Variants in MBD5 observed in about 807,000 individuals in gnomAD.
MBD5 encodes methyl-CpG-binding domain protein 5.
Under a neutral mutation model 117.3 loss-of-function variants are expected in MBD5, and 13 were observed. The ratio of observed to expected loss-of-function variants is 0.11; its 90% CI spans 0.07 to 0.18. The LOEUF (loss-of-function observed/expected upper bound fraction) is 0.18, where lower values mean the gene tolerates loss of function less well. Among genes scored for constraint, MBD5 ranks in the 10% least tolerant of loss-of-function variants. The probability of loss-of-function intolerance (pLI) is 1.00; values close to 1 mark genes in which losing one functional copy is unlikely to be tolerated. For synonymous variants in MBD5, 727 were observed against 766.4 expected (o/e 0.95, Z 0.85); for missense variants, 1,879 against 2,093.8 (o/e 0.90, Z 2.00).
chr2:148,262,220 C>A (rs1046001050), intron 3 of MBD5, among the ~76,000 whole-genome samples: 11 of 151,978 alleles, frequency 7.2e-5, no homozygotes, highest in African/African-American at 2.7e-4. Flanking sequence ...TTGTAAAAAA[C>A]ACAATATCTG....
At chr2:148,145,859 A>G (rs1305805299) in intron 1 of MBD5, among the ~76,000 whole-genome samples, 2 of 152,116 alleles carry the variant, frequency 1.3e-5, no homozygotes, top group African/African-American at 4.8e-5. Flanking sequence ...CCAGTATTTT[A>G]TTGAGGATTT....
chr2:148,089,760 G>A (rs1227480), intron 1 of MBD5, among the ~76,000 whole-genome samples: 146,605 of 152,188 alleles, frequency 0.96, 70,846 homozygotes, highest in East Asian at 1. Flanking sequence ...ACAAATAGAC[G>A]ATCTAAGGTC....
In MBD5 at chr2:148,489,726, A is replaced by G; in HGVS notation, c.4094A>G (p.Asp1365Gly). The G allele has an allele frequency of 6.2e-7, 1 of 1,614,140 alleles. No homozygotes were observed. The highest frequency in any genetic ancestry group is 8.5e-7 in the Non-Finnish European group (1 of 1,180,028). Residue 1365 changes from aspartate to glycine, a missense_variant, in exon 11 of 14, where the codon GAC becomes GGC. Physicochemically the swap from Asp to Gly is moderately conservative, Grantham distance 94. This residue lies in a region of MBD5 where 1,666 missense variants were observed against 1,792.2 expected (regional missense o/e 0.93). Transcript: ENST00000642680. ...AMSAFTASIG[D>G]PLNLSSAVSA... ...AGTGCCTTCACTGCCTCAATTGGTG[A>G]CCCATTAAATCTCTCCAGTGCTGTC...
chr2:148,262,630 TCCAAGGTCATATA>T (rs1239865773), intron 3 of MBD5, among the ~76,000 whole-genome samples: 2 of 152,186 alleles, frequency 1.3e-5, no homozygotes, highest in Admixed American at 6.5e-5. Flanking sequence ...AAGTAATTTG[TCCAAGGTCATATA>T]CCAAGGTCGT....
chr2:148,294,673 T>A (rs1348214145), intron 3 of MBD5, among the ~76,000 whole-genome samples: 1 of 151,624 alleles, frequency 6.6e-6, no homozygotes, highest in Non-Finnish European at 1.5e-5. Context: ...CAGATGATTT[T>A]TTTTGTATTT....
intron 2 of MBD5, among the ~76,000 whole-genome samples, chr2:148,226,941 C>T (rs1456802940): frequency 6.6e-6 from 1 of 152,132 alleles, no homozygotes; most frequent in Non-Finnish European, 1.5e-5. Context: ...ATACCCTTGA[C>T]CCACTTTTTG....
intron 3 of MBD5, among the ~76,000 whole-genome samples, chr2:148,256,590 A>T (rs1166373556): frequency 6.6e-6 from 1 of 152,234 alleles, no homozygotes; most frequent in Non-Finnish European, 1.5e-5. Context: ...GGTGATCACC[A>T]TCCACACTGC....
chr2:148,152,085 T>C (rs976062682), intron 1 of MBD5, among the ~76,000 whole-genome samples: 5 of 152,066 alleles, frequency 3.3e-5, no homozygotes, highest in African/African-American at 1.2e-4. Context: ...TTTAGTGCTA[T>C]AAATTTCCCT....
chr2:148,380,962 C>T (rs1335915062), intron 4 of MBD5, among the ~76,000 whole-genome samples: 1 of 152,100 alleles, frequency 6.6e-6, no homozygotes, highest in African/African-American at 2.4e-5. Flanking sequence ...CACCAAAAAC[C>T]CATCTGTACG....
At chr2:148,398,444 T>C (rs1315505055) in intron 4 of MBD5, among the ~76,000 whole-genome samples, 1 of 152,190 alleles carries the variant, frequency 6.6e-6, no homozygotes, top group Non-Finnish European at 1.5e-5. Flanking sequence ...GCTGCATAAA[T>C]GTCTTCTTTT....
At chr2:148,128,184 G>A (rs541502470) in intron 1 of MBD5, among the ~76,000 whole-genome samples, 4 of 152,020 alleles carry the variant, frequency 2.6e-5, no homozygotes, top group Non-Finnish European at 5.9e-5. Context: ...TACGTTGTCT[G>A]TTCACTCTGA....
chr2:148,272,210 T>A (rs1198173805), intron 3 of MBD5, among the ~76,000 whole-genome samples: 2 of 152,238 alleles, frequency 1.3e-5, no homozygotes, highest in Non-Finnish European at 2.9e-5. Context: ...TGAGGTTGAT[T>A]CCATATCTTG....
At chr2:148,217,604 T>G (rs1699587355) in intron 2 of MBD5, among the ~76,000 whole-genome samples, 1 of 152,208 alleles carries the variant, frequency 6.6e-6, no homozygotes, top group Non-Finnish European at 1.5e-5. Context: ...CCTTTTGTTG[T>G]TGCCATTTCA....
At chr2:148,208,403 G>A (rs982170478) in intron 2 of MBD5, among the ~76,000 whole-genome samples, 3 of 151,982 alleles carry the variant, frequency 2.0e-5, no homozygotes, top group Non-Finnish European at 2.9e-5. Flanking sequence ...ACAAGCATGC[G>A]CTCCAATGCC....
At chr2:148,205,805 C>A (rs998464007) in intron 2 of MBD5, among the ~76,000 whole-genome samples, 2 of 152,064 alleles carry the variant, frequency 1.3e-5, no homozygotes, top group Admixed American at 1.3e-4. Context: ...GCAGACGTAT[C>A]CCTTGAGCCC....
intron 4 of MBD5, among the ~76,000 whole-genome samples, chr2:148,382,249 G>A (rs1704171770): frequency 6.6e-6 from 1 of 151,790 alleles, no homozygotes; most frequent in Admixed American, 6.6e-5. Context: ...AAAATAAAGG[G>A]ATGGAGGAAG....
At chr2:148,298,104 A>T (rs1004090119) in intron 3 of MBD5, among the ~76,000 whole-genome samples, 2 of 152,176 alleles carry the variant, frequency 1.3e-5, no homozygotes, top group African/African-American at 4.8e-5. Context: ...CCTAAGGGTG[A>T]GCTGGGGCAT....
chr2:148,152,620 C>T (rs923440305), intron 1 of MBD5, among the ~76,000 whole-genome samples: 1 of 152,188 alleles, frequency 6.6e-6, no homozygotes, highest in Non-Finnish European at 1.5e-5. Flanking sequence ...AATCTGGATG[C>T]TCCTGTATTC....
chr2:148,154,681 A>C (rs1056106769), intron 1 of MBD5, among the ~76,000 whole-genome samples: 3 of 152,048 alleles, frequency 2.0e-5, no homozygotes, highest in African/African-American at 7.2e-5. Flanking sequence ...ATCGGGTGGG[A>C]GTGACCCGAT....
Sources: gnomAD v4.1 joint callset for allele counts (sites outside exome capture counted in the v4.1 genomes callset) on GRCh38, gnomAD v4.1.1 for gene constraint, gnomAD v4.1.1 regional missense constraint, MANE v1.5 for transcripts, NCBI Gene and HGNC (gene_info 2026-07-23, HGNC 2026-07-21) for gene names.